The following PTPRD variants were observed in gnomAD, a reference collection of about 807,000 sequenced individuals.
PTPRD encodes protein tyrosine phosphatase receptor type D.
PTPRD carries 34 observed loss-of-function variants against 214.5 expected under a neutral mutation model. The ratio of observed to expected loss-of-function variants is 0.16; its 90% confidence interval spans 0.12 to 0.21. The LOEUF is 0.21. Ranked by LOEUF, PTPRD falls within the 10% of genes least tolerant of loss-of-function variation. The probability of loss-of-function intolerance (pLI) is 1.00; values close to 1 mark genes in which losing one functional copy is unlikely to be tolerated. For missense variants in PTPRD, 2,545 were observed against 2,398.7 expected (o/e 1.06, Z -1.27); for synonymous variants, 1,128 against 845.7 (o/e 1.33, Z -5.79).
In PTPRD at chr9:8,399,128, A is replaced by G. The variant is rs369902377; in HGVS notation, c.4210+5409T>C. Among the ~76,000 whole-genome samples the G allele has an allele frequency of 1.7e-3, 238 of 141,628 alleles. 1 individual carries two copies. The highest frequency in any genetic ancestry group is 6.0e-3 in the African/African-American group (230 of 38,432). The allele number at this position is 141,628 out of a possible 152,430, so 92.9% of individuals were successfully genotyped here. On this transcript the variant is annotated intron_variant, in intron 36 of 45. Coordinates refer to ENST00000381196, the MANE Select transcript of PTPRD (RefSeq NM_002839.4). ...TTTTTTTTTTTCCTTGAAGAAGCTAATCATCTCATACTGTCTAAGATTTAA... is the reference window on the plus strand; with the variant it reads ...TTTTTTTTTTTCCTTGAAGAAGCTAGTCATCTCATACTGTCTAAGATTTAA...
At chr9:10,287,885 G>A (rs937797631) in intron 3 of PTPRD, among the ~76,000 whole-genome samples, 8 of 152,126 alleles carry the variant, frequency 5.3e-5, no homozygotes, top group African/African-American at 1.9e-4. Context: ...TTGCCAGACA[G>A]AGGGGGTTTT....
intron 14 of PTPRD, among the ~76,000 whole-genome samples, chr9:8,601,619 G>A (rs1299154007): frequency 1.3e-5 from 2 of 152,138 alleles, no homozygotes; most frequent in East Asian, 1.9e-4. Context: ...GAACTTTTCT[G>A]GAGCCTATCC....
chr9:8,870,712 A>ACACACACACACG (rs1555458009), intron 11 of PTPRD, among the ~76,000 whole-genome samples: 3 of 151,088 alleles, frequency 2.0e-5, no homozygotes, highest in Non-Finnish European at 3.0e-5. Context: ...ACACACACAC[A>ACACACACACACG]CACACACACA....
chr9:9,858,348 T>C (rs190756373), intron 5 of PTPRD, among the ~76,000 whole-genome samples: 1 of 152,172 alleles, frequency 6.6e-6, no homozygotes, highest in Admixed American at 6.5e-5. Context: ...CACAAACACC[T>C]TTCCAGAAAA....
intron 33 of PTPRD, among the ~76,000 whole-genome samples, chr9:8,455,672 A>C (rs980752556): frequency 6.6e-6 from 1 of 152,242 alleles, no homozygotes; most frequent in African/African-American, 2.4e-5. Context: ...GATGAAAATG[A>C]TATCAAACAC....
intron 5 of PTPRD, among the ~76,000 whole-genome samples, chr9:9,897,930 C>T (rs1435162368): frequency 7.9e-5 from 12 of 151,432 alleles, no homozygotes; most frequent in African/African-American, 2.4e-4. Context: ...CCTTTGACGG[C>T]AGTGTAAAAA....
chr9:8,534,931 C>G (rs963516900), intron 14 of PTPRD, among the ~76,000 whole-genome samples: 8 of 151,900 alleles, frequency 5.3e-5, no homozygotes, highest in Non-Finnish European at 1.2e-4. Flanking sequence ...GGATAGTCAA[C>G]AGATGGCATC....
At chr9:9,993,694 T>C (rs1017925603) in intron 4 of PTPRD, among the ~76,000 whole-genome samples, 7 of 152,174 alleles carry the variant, frequency 4.6e-5, no homozygotes, top group Admixed American at 3.9e-4. Flanking sequence ...AAGAGTGATA[T>C]TTACTCCTTG....
intron 3 of PTPRD, among the ~76,000 whole-genome samples, chr9:10,249,644 C>G (rs2092586433): frequency 6.6e-6 from 1 of 152,076 alleles, no homozygotes; most frequent in Admixed American, 6.6e-5. Context: ...TTTTTTCCAA[C>G]ACATTTTCCT....
intron 5 of PTPRD, among the ~76,000 whole-genome samples, chr9:9,926,185 A>C (rs1340181728): frequency 1.3e-5 from 2 of 152,108 alleles, no homozygotes; most frequent in African/African-American, 4.8e-5. Context: ...TCTTATACTT[A>C]CCTAATATTT....
At chr9:10,078,869 A>G (rs1180871474) in intron 3 of PTPRD, among the ~76,000 whole-genome samples, 1 of 152,094 alleles carries the variant, frequency 6.6e-6, no homozygotes, top group African/African-American at 2.4e-5. Context: ...TCCTCCTAAC[A>G]ACATTAAATA....
intron 7 of PTPRD, among the ~76,000 whole-genome samples, chr9:9,732,544 G>A (rs890879132): frequency 6.6e-6 from 1 of 152,154 alleles, no homozygotes; most frequent in Non-Finnish European, 1.5e-5. Flanking sequence ...ATTACAGGAG[G>A]AGGGTCCAGA....
At chr9:9,385,167 A>G (rs1357076924) in intron 9 of PTPRD, among the ~76,000 whole-genome samples, 1 of 152,128 alleles carries the variant, frequency 6.6e-6, no homozygotes, top group Non-Finnish European at 1.5e-5. Flanking sequence ...TTCTGTCTTC[A>G]TTTACCAAGT....
chr9:9,573,827 G>C (rs983799319), intron 8 of PTPRD, among the ~76,000 whole-genome samples: 5 of 151,666 alleles, frequency 3.3e-5, no homozygotes, highest in Non-Finnish European at 7.4e-5. Flanking sequence ...TAATGAAAAA[G>C]TATACCTTAT....
intron 5 of PTPRD, among the ~76,000 whole-genome samples, chr9:9,802,704 T>G (rs918282033): frequency 6.6e-6 from 1 of 151,776 alleles, no homozygotes; most frequent in South Asian, 2.1e-4. Flanking sequence ...ACCTAGCTTA[T>G]AGTTGGAGCT....
chr9:10,552,819 G>C (rs920962605), intron 2 of PTPRD, among the ~76,000 whole-genome samples: 40 of 152,070 alleles, frequency 2.6e-4, no homozygotes, highest in African/African-American at 9.4e-4. Flanking sequence ...CATGGCAACA[G>C]CACAGGTTGA....
chr9:9,717,438 G>C (rs1187401307), intron 7 of PTPRD, among the ~76,000 whole-genome samples: 1 of 152,072 alleles, frequency 6.6e-6, no homozygotes, highest in Non-Finnish European at 1.5e-5. Context: ...AAATTACCTT[G>C]GGCAGTATGG....
chr9:8,568,780 T>C (rs901932913), intron 14 of PTPRD, among the ~76,000 whole-genome samples: 2 of 152,152 alleles, frequency 1.3e-5, no homozygotes, highest in Admixed American at 6.6e-5. Flanking sequence ...ACAGTCTCCA[T>C]TTTCTACAGA....
chr9:8,968,791 TAG>T (rs2099217050), intron 11 of PTPRD, among the ~76,000 whole-genome samples: 1 of 152,036 alleles, frequency 6.6e-6, no homozygotes, highest in Admixed American at 6.6e-5. Context: ...TTGTGTGACA[TAG>T]ATATGAGAAA....
Sources: allele counts gnomAD v4.1 joint callset (sites outside exome capture counted in the v4.1 genomes callset), GRCh38; gene constraint gnomAD v4.1.1; transcripts MANE v1.5; gene names NCBI Gene and HGNC (gene_info 2026-07-23, HGNC 2026-07-21).